The following CTNNA2 variants were observed in gnomAD, a reference collection of about 807,000 sequenced individuals.
CTNNA2 encodes the protein catenin alpha-2.
Under a neutral mutation model 101.0 loss-of-function variants are expected in CTNNA2, and 42 were observed. The ratio of observed to expected loss-of-function variants is 0.42; its 90% CI spans 0.32 to 0.54. CTNNA2 has a LOEUF of 0.54. CTNNA2 is among the 20% of genes least tolerant of loss of function. The pLI is 0.14. For missense variants in CTNNA2, 871 were observed against 1,223.1 expected (o/e 0.71, Z 4.29); for synonymous variants, 450 against 456.4 (o/e 0.99, Z 0.18).
At chr2:79,618,860 A>G (rs1240459879) in intron 1 of CTNNA2, among the ~76,000 whole-genome samples, 2 of 152,224 alleles carry the variant, frequency 1.3e-5, no homozygotes, top group Non-Finnish European at 2.9e-5. Flanking sequence ...GGGCCAGGCT[A>G]TTGGAGAGAA....
intron 3 of CTNNA2, among the ~76,000 whole-genome samples, chr2:79,821,855 A>T (rs1273916191): frequency 6.6e-6 from 1 of 152,198 alleles, no homozygotes. Flanking sequence ...AGTAGCTTGA[A>T]TTGATGTTTG....
intron 7 of CTNNA2, among the ~76,000 whole-genome samples, chr2:80,100,861 C>T (rs1391651552): frequency 6.6e-6 from 1 of 152,194 alleles, no homozygotes; most frequent in Non-Finnish European, 1.5e-5. Context: ...GAAGTTGGAC[C>T]TGAGACATTT....
At chr2:79,538,553 G>C (rs1454289994) in intron 1 of CTNNA2, among the ~76,000 whole-genome samples, 1 of 152,180 alleles carries the variant, frequency 6.6e-6, no homozygotes, top group Non-Finnish European at 1.5e-5. Context: ...CAGAGATATG[G>C]CCTTGCTATC....
intron 6 of CTNNA2, among the ~76,000 whole-genome samples, chr2:79,890,133 G>T (rs575526737): frequency 3.3e-5 from 5 of 152,258 alleles, no homozygotes; most frequent in South Asian, 4.2e-4. Flanking sequence ...TTAAATATGA[G>T]ATTTCTTCTG....
At chr2:79,198,910 T>C (rs1039442650) in intron 2 of CTNNA2, among the ~76,000 whole-genome samples, 2 of 152,184 alleles carry the variant, frequency 1.3e-5, no homozygotes, top group African/African-American at 4.8e-5. Context: ...ATGAGGAAAC[T>C]GGTAAGATGT....
intron 7 of CTNNA2, among the ~76,000 whole-genome samples, chr2:80,315,446 A>G (rs1252139497): frequency 6.6e-6 from 1 of 152,178 alleles, no homozygotes; most frequent in African/African-American, 2.4e-5. Context: ...ACAATCCAGG[A>G]TGGCTTCACT....
intron 2 of CTNNA2, among the ~76,000 whole-genome samples, chr2:79,278,545 A>G (rs920551856): frequency 2.0e-5 from 3 of 152,156 alleles, no homozygotes; most frequent in Admixed American, 2.0e-4. Context: ...ATTGTGGGCA[A>G]TTTTGAAAAT....
chr2:80,358,343 C>CTTTTTTTTTT (rs35040432), intron 7 of CTNNA2, among the ~76,000 whole-genome samples: 1 of 99,716 alleles, frequency 1.0e-5, no homozygotes, highest in Non-Finnish European at 2.1e-5. Flanking sequence ...TAGTATTCTA[C>CTTTTTTTTTT]TTTTTTTTTT....
intron 3 of CTNNA2, among the ~76,000 whole-genome samples, chr2:79,369,726 C>G (rs1479419327): frequency 5.3e-5 from 8 of 152,166 alleles, no homozygotes; most frequent in Admixed American, 5.2e-4. Flanking sequence ...CCTGCCTCCA[C>G]CCTTTGCCCA....
intron 15 of CTNNA2, among the ~76,000 whole-genome samples, chr2:80,600,251 T>A (rs1697366099): frequency 6.6e-6 from 1 of 152,006 alleles, no homozygotes; most frequent in South Asian, 2.1e-4. Context: ...AAGGAAACTT[T>A]AAAATTTTAG....
intron 2 of CTNNA2, among the ~76,000 whole-genome samples, chr2:79,281,861 A>C (rs957791465): frequency 6.6e-6 from 1 of 152,216 alleles, no homozygotes; most frequent in East Asian, 1.9e-4. Flanking sequence ...TAGTTTTTAG[A>C]GTAGAGATGC....
intron 1 of CTNNA2, among the ~76,000 whole-genome samples, chr2:79,584,304 A>G (rs180761067): frequency 3.3e-4 from 50 of 152,268 alleles, no homozygotes; most frequent in African/African-American, 1.2e-3. Flanking sequence ...TAGAATTGCT[A>G]ATTTCTGGAG....
intron 7 of CTNNA2, among the ~76,000 whole-genome samples, chr2:80,296,127 G>A (rs1411114123): frequency 6.6e-6 from 1 of 152,044 alleles, no homozygotes; most frequent in Non-Finnish European, 1.5e-5. Context: ...TTTTGATAGA[G>A]GCATGCAATG....
chr2:79,907,555 A>G (rs75368132), intron 6 of CTNNA2, among the ~76,000 whole-genome samples: 3,406 of 152,230 alleles, frequency 0.022, 66 homozygotes, highest in African/African-American at 0.045. Flanking sequence ...AATGAACCCT[A>G]TAGGGCCATC....
At position 79,200,383 on chromosome 2, in the gene CTNNA2, C is replaced by CAAA. The variant is rs34255396; in HGVS notation, c.-406+2321_-406+2323dup. Among the ~76,000 whole-genome samples the CAAA allele has an allele frequency of 3.2e-3, 355 of 110,258 alleles. 2 individuals are homozygous for CAAA. The highest frequency in any genetic ancestry group is 1.0e-2 in the African/African-American group (332 of 33,352). The allele number at this position is 110,258 out of a possible 152,430, so 72.3% of individuals were successfully genotyped here. ...TGGGCAACAGAGAGAGACTCCGTCT[C>CAAA]AAAAAAAAAAAAAAAATTAGACAAA... On this transcript the variant is annotated intron_variant, in intron 2 of 21. Transcript: ENST00000466387.
At chr2:80,111,011 C>G (rs148897541) in intron 7 of CTNNA2, among the ~76,000 whole-genome samples, 1 of 152,260 alleles carries the variant, frequency 6.6e-6, no homozygotes, top group African/African-American at 2.4e-5. Flanking sequence ...ACATGTCCTT[C>G]TTCACATGGT....
intron 14 of CTNNA2, among the ~76,000 whole-genome samples, chr2:80,589,038 C>T (rs1289249884): frequency 2.0e-5 from 3 of 152,118 alleles, no homozygotes. Context: ...ATCAAAGCGG[C>T]AGAGAAGTTC....
intron 3 of CTNNA2, among the ~76,000 whole-genome samples, chr2:79,330,830 G>C (rs886209315): frequency 6.6e-6 from 1 of 152,144 alleles, no homozygotes; most frequent in Non-Finnish European, 1.5e-5. Context: ...ATGTGGAACT[G>C]TAAGTCAATT....
chr2:79,690,711 A>G (rs1684234575), intron 2 of CTNNA2, among the ~76,000 whole-genome samples: 1 of 152,016 alleles, frequency 6.6e-6, no homozygotes, highest in South Asian at 2.1e-4. Context: ...GTTCACACAG[A>G]GAACAGGTGG....
Sources: allele counts gnomAD v4.1 joint callset (sites outside exome capture counted in the v4.1 genomes callset), GRCh38; gene constraint gnomAD v4.1.1; transcripts MANE v1.5; gene names NCBI Gene and HGNC (gene_info 2026-07-23, HGNC 2026-07-21).